CFDP1: variants seen among roughly 807,000 people sequenced by gnomAD.
The protein encoded by CFDP1 is chromatin remodeling protein CFDP1.
Under a neutral mutation model 40.1 loss-of-function variants are expected in CFDP1, and 31 were observed. That is an observed-to-expected ratio of 0.77 (90% CI 0.58 to 1.04). The LOEUF (loss-of-function observed/expected upper bound fraction) is 1.04, where lower values mean the gene tolerates loss of function less well. CFDP1 is among the 50% of genes least tolerant of loss of function. The pLI, the probability that CFDP1 is intolerant of heterozygous loss-of-function variation, is 0.00. For missense variants in CFDP1, 423 were observed against 343.4 expected (o/e 1.23, Z -1.83); for synonymous variants, 167 against 120.0 (o/e 1.39, Z -2.56).
chr16:75,306,410 C>G (rs1306159773), intron 5 of CFDP1: 1 of 152,294 alleles, frequency 6.6e-6, no homozygotes, highest in Non-Finnish European at 1.5e-5. Flanking sequence ...TGTGAGCCAA[C>G]AGGCCAACGT....
At chr16:75,384,306 G>A (rs758080269) in intron 5 of CFDP1, among the ~76,000 whole-genome samples, 43 of 152,034 alleles carry the variant, frequency 2.8e-4, no homozygotes, top group African/African-American at 8.7e-4. Context: ...GCAGTGAGCC[G>A]AGCGAGATAG....
chr16:75,295,957 C>G (rs1191548054), intron 6 of CFDP1, among the ~76,000 whole-genome samples: 1 of 152,202 alleles, frequency 6.6e-6, no homozygotes, highest in Non-Finnish European at 1.5e-5. Context: ...GAGGCACGTT[C>G]ACTACAACTG....
chr16:75,409,474 A>C (rs2079136481), intron 4 of CFDP1: 1 of 152,224 alleles, frequency 6.6e-6, no homozygotes, highest in African/African-American at 2.4e-5. Context: ...CTTAGTAAAA[A>C]TTTAGTTATC....
At chr16:75,420,225 A>G (rs1450849011) in intron 1 of CFDP1, among the ~76,000 whole-genome samples, 2 of 152,192 alleles carry the variant, frequency 1.3e-5, no homozygotes, top group Admixed American at 1.3e-4. Context: ...AAAAACAAGT[A>G]TACAAGAGAG....
chr16:75,297,195 T>TGTGTGTGTGTGTGTGTGTG (rs1491320265), intron 6 of CFDP1, among the ~76,000 whole-genome samples: 51 of 150,122 alleles, frequency 3.4e-4, no homozygotes, highest in East Asian at 9.8e-4. Context: ...TGTGTGTGTG[T>TGTGTGTGTGTGTGTGTGTG]TTTTAGTAGA....
chr16:75,406,936 G>A (rs1325317015), intron 4 of CFDP1, among the ~76,000 whole-genome samples: 3 of 152,140 alleles, frequency 2.0e-5, no homozygotes, highest in South Asian at 2.1e-4. Flanking sequence ...CAGGAGAATC[G>A]CCTGAACCTG....
intron 6 of CFDP1, 94 bp downstream of exon 6, chr16:75,304,930 C>A (rs548233412): frequency 7.7e-7 from 1 of 1,302,994 alleles, no homozygotes; most frequent in East Asian, 2.3e-5. Context: ...ATGAAAAGCT[C>A]CTGCTTGCTT....
intron 4 of CFDP1, among the ~76,000 whole-genome samples, chr16:75,403,705 A>G (rs2079074652): frequency 6.6e-6 from 1 of 152,222 alleles, no homozygotes; most frequent in African/African-American, 2.4e-5. Flanking sequence ...TTTCTATATT[A>G]TTTTTATAGG....
intron 1 of CFDP1, chr16:75,419,143 G>A: frequency 2.9e-6 from 1 of 342,336 alleles, no homozygotes. Flanking sequence ...CAAATTAAAA[G>A]GATACAAGAT....
chr16:75,412,019 T>TA, intron 3 of CFDP1, 67 bp from the exon 4 acceptor site: 9 of 1,492,136 alleles, frequency 6.0e-6, no homozygotes, highest in Non-Finnish European at 8.0e-6. Context: ...AGATACTTTT[T>TA]ATTTTTTTTT....
chr16:75,367,489 A>G (rs1228372358), intron 5 of CFDP1, among the ~76,000 whole-genome samples: 2 of 151,112 alleles, frequency 1.3e-5, no homozygotes, highest in African/African-American at 4.9e-5. Flanking sequence ...AGATAAAATG[A>G]GACTTAAAAG....
intron 1 of CFDP1, among the ~76,000 whole-genome samples, chr16:75,423,585 G>A (rs964606596): frequency 1.3e-5 from 2 of 151,914 alleles, no homozygotes; most frequent in Admixed American, 6.6e-5. Context: ...TGCGATCTCC[G>A]CTCACTGCAA....
intron 5 of CFDP1, among the ~76,000 whole-genome samples, chr16:75,313,628 C>A (rs2078308140): frequency 6.6e-6 from 1 of 152,242 alleles, no homozygotes; most frequent in South Asian, 2.1e-4. Context: ...TCCCTCCACG[C>A]CTGGCCAGCA....
intron 5 of CFDP1, among the ~76,000 whole-genome samples, chr16:75,309,676 C>T (rs976254185): frequency 1.3e-5 from 2 of 151,890 alleles, no homozygotes; most frequent in African/African-American, 2.4e-5. Context: ...AAAAATTAGC[C>T]GGGCGTGGTG....
intron 5 of CFDP1, among the ~76,000 whole-genome samples, chr16:75,369,985 G>C (rs997066682): frequency 2.6e-5 from 4 of 152,074 alleles, no homozygotes; most frequent in Non-Finnish European, 4.4e-5. Context: ...TGTCGTCCAG[G>C]CTGGTCTCAA....
intron 5 of CFDP1, among the ~76,000 whole-genome samples, chr16:75,317,063 T>C (rs1254065522): frequency 6.6e-6 from 1 of 152,140 alleles, no homozygotes; most frequent in Non-Finnish European, 1.5e-5. Flanking sequence ...CAAAAGGCTA[T>C]GGGATCTTCA....
intron 5 of CFDP1, among the ~76,000 whole-genome samples, chr16:75,351,594 A>G (rs1249786756): frequency 6.6e-6 from 1 of 152,242 alleles, no homozygotes; most frequent in Admixed American, 6.5e-5. Flanking sequence ...TAAATTCATG[A>G]GTTCATAATA....
intron 4 of CFDP1, among the ~76,000 whole-genome samples, chr16:75,396,999 T>C (rs958746745): frequency 4.0e-5 from 6 of 151,698 alleles, no homozygotes; most frequent in African/African-American, 1.5e-4. Context: ...CTGCAACCTC[T>C]GCCTCCTGGG....
At chr16:75,311,316 C>T (rs1038616497) in intron 5 of CFDP1, among the ~76,000 whole-genome samples, 2 of 152,122 alleles carry the variant, frequency 1.3e-5, no homozygotes, top group Admixed American at 6.6e-5. Flanking sequence ...ATTTAAAAAA[C>T]GTCTTTGTAC....
Sources: allele counts gnomAD v4.1 joint callset (sites outside exome capture counted in the v4.1 genomes callset), GRCh38; gene constraint gnomAD v4.1.1; transcripts MANE v1.5; gene names NCBI Gene and HGNC (gene_info 2026-07-23, HGNC 2026-07-21).